The following BTBD16 variants were observed in gnomAD, a reference collection of about 807,000 sequenced individuals.
The protein encoded by BTBD16 is BTB/POZ domain-containing protein 16.
Under a neutral mutation model 67.4 loss-of-function variants are expected in BTBD16, and 66 were observed. The ratio of observed to expected loss-of-function variants is 0.98; its 90% CI spans 0.80 to 1.20. The LOEUF (loss-of-function observed/expected upper bound fraction) is 1.20. BTBD16 is among the 50% of genes most tolerant of loss of function. The probability of loss-of-function intolerance (pLI) is 0.00; values close to 1 mark genes in which losing one functional copy is unlikely to be tolerated. For synonymous variants in BTBD16, 242 were observed against 236.4 expected, an observed-to-expected ratio of 1.02 and a Z score of -0.22; for missense variants, 634 against 616.0, an observed-to-expected ratio of 1.03 and a Z score of -0.31.
chr10:122,272,372 G>A (rs920854927), intron 1 of BTBD16, among the ~76,000 whole-genome samples: 3 of 151,990 alleles, frequency 2.0e-5, no homozygotes, highest in South Asian at 2.1e-4. Context: ...ACAGAGTTTC[G>A]CTCTTGTTTC....
At chr10:122,336,132 T>C (rs2096462942) in intron 14 of BTBD16, among the ~76,000 whole-genome samples, 1 of 152,214 alleles carries the variant, frequency 6.6e-6, no homozygotes, top group Admixed American at 6.5e-5. Flanking sequence ...CTCAGGCATC[T>C]CCCTACACAA....
chr10:122,278,302 A>T (rs200999116), intron 3 of BTBD16, among the ~76,000 whole-genome samples: 1 of 152,322 alleles, frequency 6.6e-6, no homozygotes, highest in African/African-American at 2.4e-5. Flanking sequence ...AAAGCAGTCT[A>T]TCAATGGGGC....
intron 9 of BTBD16, chr10:122,303,671 G>A: frequency 4.5e-6 from 4 of 894,152 alleles, no homozygotes; most frequent in Non-Finnish European, 1.3e-6. Context: ...ATAGAGGACA[G>A]TGTCTTATGA....
At chr10:122,277,693 G>A (rs143616554) in intron 3 of BTBD16, among the ~76,000 whole-genome samples, 142 of 152,190 alleles carry the variant, frequency 9.3e-4, no homozygotes, top group African/African-American at 3.3e-3. Flanking sequence ...ACCGGCTCTT[G>A]TGGGAACTAA....
chr10:122,327,572 G>C (rs1309440941), intron 10 of BTBD16: 1 of 985,116 alleles, frequency 1.0e-6, no homozygotes, highest in Non-Finnish European at 1.2e-6. Flanking sequence ...TGCCTGCCTC[G>C]GGGGTCCCAG....
At chr10:122,311,061 C>T (rs990864861) in intron 10 of BTBD16, among the ~76,000 whole-genome samples, 2 of 152,188 alleles carry the variant, frequency 1.3e-5, no homozygotes, top group African/African-American at 2.4e-5. Context: ...AACGACTATA[C>T]CCAAAAATAA....
chr10:122,293,702 T>C (rs1194021200), intron 7 of BTBD16, among the ~76,000 whole-genome samples: 1 of 152,214 alleles, frequency 6.6e-6, no homozygotes, highest in Non-Finnish European at 1.5e-5. Context: ...CAGCCCAGCA[T>C]AGCCTTGTGA....
chr10:122,277,100 A>C (rs1042648189), intron 3 of BTBD16, among the ~76,000 whole-genome samples, 161 bp downstream of exon 3: 11 of 152,136 alleles, frequency 7.2e-5, no homozygotes, highest in African/African-American at 2.2e-4. Context: ...ACAGGGTCAT[A>C]AGTGACTACT....
chr10:122,316,471 C>T (rs892242690), intron 10 of BTBD16, among the ~76,000 whole-genome samples: 1 of 152,130 alleles, frequency 6.6e-6, no homozygotes, highest in African/African-American at 2.4e-5. Context: ...CATCCTCGTG[C>T]AAACATCATA....
chr10:122,330,471 C>A (rs2096453349), intron 11 of BTBD16, among the ~76,000 whole-genome samples: 1 of 152,180 alleles, frequency 6.6e-6, no homozygotes. Flanking sequence ...TCAAAGCTGA[C>A]CTTCGAGGGC....
At position 122,332,424 on chromosome 10, in the gene BTBD16, T is replaced by A. The variant is rs1177926468; in HGVS notation, c.1087-12T>A. ...ATCCCACCGTGGTCAGCTGTGTGCA[T>A]TTTCCTTTCAGCTGGAGAATGGGGG... On this transcript the variant is annotated splice_polypyrimidine_tract_variant and intron_variant, in intron 12 of 15. Transcript: ENST00000260723. The A allele has an allele frequency of 6.2e-7, 1 of 1,613,152 alleles. No individual in the cohort carries two copies. Among genetic ancestry groups the A allele is most frequent in the East Asian group, 2.2e-5 (1 of 44,840 alleles).
At chr10:122,274,965 A>G in intron 1 of BTBD16, 75 bp from the exon 2 acceptor site, 1 of 988,646 alleles carries the variant, frequency 1.0e-6, no homozygotes, top group Non-Finnish European at 1.6e-6. Context: ...CAAAGTATAG[A>G]TTCTTTAGGC....
At position 122,294,103 on chromosome 10, in the gene BTBD16, A is replaced by G. The variant is rs574382305; in HGVS notation, c.590+2909A>G. 10 of 984,614 alleles carry G rather than the reference A, an allele frequency of 1.0e-5. No homozygotes were observed. In the Admixed American group the frequency reaches 5.5e-4, roughly 54 times the overall value. The allele number at this position is 984,614 out of a possible 1,614,324, so 61.0% of individuals were successfully genotyped here. On this transcript the variant is annotated intron_variant, in intron 7 of 15. Transcript: ENST00000260723. ...ATGGGACCTGCCCAAGATTCTCCAG[A>G]TAATTGTGGTGGGGCTGGGATTCTA...
chr10:122,277,925 T>C (rs998733640), intron 3 of BTBD16, among the ~76,000 whole-genome samples: 3 of 152,182 alleles, frequency 2.0e-5, no homozygotes, highest in African/African-American at 7.2e-5. Flanking sequence ...TTACCATCCT[T>C]AGGCTGGCAG....
At position 122,279,662 on chromosome 10, in the gene BTBD16, T is replaced by C. The variant is rs1406540035; in HGVS notation, c.167+2723T>C. Among the ~76,000 whole-genome samples, 3 of 152,156 alleles carry C rather than the reference T, an allele frequency of 2.0e-5. No individual in the cohort carries two copies. In the East Asian group the frequency reaches 5.8e-4, roughly 29 times the overall value. On this transcript the variant is annotated intron_variant, in intron 3 of 15. Transcript: ENST00000260723. ...TTATTCCTGGTAATTCTTGTGAACC[T>C]TCAGGCATCAGGCAACTCTCAGGTG... is the stretch of plus-strand genomic sequence containing the variant.
At chr10:122,298,912 C>A in intron 8 of BTBD16, 92 bp from the exon 9 acceptor site, 1 of 1,529,396 alleles carries the variant, frequency 6.5e-7, no homozygotes, top group Non-Finnish European at 8.8e-7. Flanking sequence ...CAGTGACTCT[C>A]CCTCTGAGCA....
chr10:122,280,121 T>C (rs2096349645), intron 3 of BTBD16, among the ~76,000 whole-genome samples: 1 of 152,174 alleles, frequency 6.6e-6, no homozygotes. Flanking sequence ...GAGGAGGAAA[T>C]GTTAACTTCC....
intron 10 of BTBD16, among the ~76,000 whole-genome samples, chr10:122,309,765 G>A (rs2096410401): frequency 7.0e-6 from 1 of 143,794 alleles, no homozygotes; most frequent in South Asian, 2.2e-4. Flanking sequence ...GAGCCACTGT[G>A]CTGAGTACAT....
At chr10:122,301,755 G>A (rs2142084117) in intron 9 of BTBD16, among the ~76,000 whole-genome samples, 1 of 152,126 alleles carries the variant, frequency 6.6e-6, no homozygotes, top group East Asian at 1.9e-4. Flanking sequence ...TAACATTTTG[G>A]TGTGTGCTGT....
Sources: allele counts gnomAD v4.1 joint callset (sites outside exome capture counted in the v4.1 genomes callset), GRCh38; gene constraint gnomAD v4.1.1; transcripts MANE v1.5; gene names NCBI Gene and HGNC (gene_info 2026-07-23, HGNC 2026-07-21).